Variants in DDX21 observed in about 807,000 individuals in gnomAD.
The protein encoded by DDX21 is nucleolar RNA helicase 2.
A neutral mutation model predicts 90.0 loss-of-function variants in DDX21; 18 were observed. The ratio of observed to expected loss-of-function variants is 0.20; its 90% CI spans 0.14 to 0.30. The LOEUF is 0.30. DDX21 is among the 10% of genes least tolerant of loss of function. The probability of loss-of-function intolerance (pLI) is 1.00; values close to 1 mark genes in which losing one functional copy is unlikely to be tolerated. For synonymous variants in DDX21, 294 were observed against 318.0 expected, an observed-to-expected ratio of 0.92 and a Z score of 0.80; for missense variants, 673 against 944.5, an observed-to-expected ratio of 0.71 and a Z score of 3.77.
Position 68,956,222 on chromosome 10 carries a change from G to T in DDX21, c.-4G>T. The T allele has an allele frequency of 6.2e-7, 1 of 1,613,980 alleles. No homozygotes were observed. Among genetic ancestry groups the T allele is most frequent in the Non-Finnish European group, 8.5e-7 (1 of 1,179,936 alleles). Reference sequence around the variant, plus strand: ...CCGGTCGGCCTGGGCAACCTGCGCTGAAGATGCCGGGAAAACTCCGTAGTG... The same window carrying T: ...CCGGTCGGCCTGGGCAACCTGCGCTTAAGATGCCGGGAAAACTCCGTAGTG... On this transcript the variant is annotated 5_prime_UTR_variant, in exon 1 of 15. Coordinates refer to ENST00000354185, the MANE Select transcript of DDX21 (RefSeq NM_004728.4).
Position 68,983,093 on chromosome 10 carries a change from A to C in DDX21, c.*281A>C. ...TATTATCTGTAGATTAGAAGATAAA[A>C]TCAAGCATGTATCTGCCTATACTTT... On this transcript the variant is annotated 3_prime_UTR_variant, in exon 15 of 15. Coordinates refer to ENST00000354185, the MANE Select transcript of DDX21 (RefSeq NM_004728.4). The C allele has an allele frequency of 4.6e-6, 2 of 438,970 alleles. No individual in the cohort carries two copies. Among genetic ancestry groups the C allele is most frequent in the Non-Finnish European group, 8.2e-6 (2 of 242,660 alleles). 27.2% of individuals were successfully genotyped at this position (438,970 alleles called of 1,614,324 possible).
intron 13 of DDX21, among the ~76,000 whole-genome samples, chr10:68,980,224 G>A (rs1035476680): frequency 1.3e-5 from 2 of 151,952 alleles, no homozygotes; most frequent in African/African-American, 2.4e-5. Context: ...TGGGCAACAA[G>A]AGTGAAACTC....
At chr10:68,961,810 AATCTTAGTTGAG>A (rs1428163256) in intron 2 of DDX21, among the ~76,000 whole-genome samples, 7 of 152,336 alleles carry the variant, frequency 4.6e-5, no homozygotes, top group Middle Eastern at 3.4e-3. Context: ...AGTCACACAT[AATCTTAGTTGAG>A]ATCTTAGTTG....
At position 68,963,323 on chromosome 10, in the gene DDX21, G is replaced by A; in HGVS notation, c.640G>A (p.Ala214Thr). 2.5e-6 allele frequency: 4 copies of A among 1,613,732 alleles called. No homozygotes were observed. Among genetic ancestry groups the A allele is most frequent in the Non-Finnish European group, 3.4e-6 (4 of 1,179,870 alleles). Residue 214 changes from alanine (A) to threonine (T), a missense_variant, in exon 4 of 15, where the codon GCA (alanine) becomes ACA (threonine). Ala to Thr is a moderately conservative substitution (Grantham distance 58). Around this residue, in one of 4 missense-constraint regions of DDX21, gnomAD observed 218 missense variants for 347.3 expected, o/e 0.63. Transcript: ENST00000354185. ...AGTGACCTTCCTATTTCCTATACAA[G>A]CAAAGACATTCCATCATGTTTACAG... ...RGVTFLFPIQAKTFHHVYSGK... is the reference protein window; with the variant it reads ...RGVTFLFPIQTKTFHHVYSGK...
chr10:68,977,342 T>C (rs1843115766), intron 11 of DDX21, among the ~76,000 whole-genome samples, 187 bp from the exon 12 acceptor site: 1 of 152,224 alleles, frequency 6.6e-6, no homozygotes, highest in Non-Finnish European at 1.5e-5. Context: ...GGTGATAAAT[T>C]AGAATTACAT....
At chr10:68,960,355 T>G (rs1564625111) in intron 2 of DDX21, 106 bp downstream of exon 2, 3 of 1,170,506 alleles carry the variant, frequency 2.6e-6, no homozygotes, top group Non-Finnish European at 3.5e-6. Context: ...AAATGTGATG[T>G]GTCAGCACCT....
Position 68,959,821 on chromosome 10 carries a change from A to G in DDX21, c.103A>G (p.Lys35Glu). 1 of 1,533,134 alleles carries G rather than the reference A, an allele frequency of 6.5e-7. No homozygotes were observed. Among genetic ancestry groups the G allele is most frequent in the East Asian group, 2.3e-5 (1 of 42,798 alleles). 95.0% of individuals were successfully genotyped at this position (1,533,134 alleles called of 1,614,324 possible). A position where few individuals can be genotyped will look rare whatever the true frequency, so the allele number is the denominator to read the frequency against. ...TTTTTTTTAGAAAGAGAAAAAAGAG[A>G]AGCCAAAATCTGATAAGACTGAAGA... ...KQTEEKEKKE[K>E]PKSDKTEEIA... is the part of the protein sequence containing the mutation. The change falls in exon 2 of 15, where the codon AAG (lysine) becomes GAG (glutamate). Residue 35 changes from lysine (K) to glutamate (E), a missense_variant. Lys to Glu is a moderately conservative substitution (Grantham distance 56, BLOSUM62 1). This residue lies in a region of DDX21 where 204 missense variants were observed against 221.6 expected (regional missense o/e 0.92). Transcript: ENST00000354185.
intron 1 of DDX21, chr10:68,956,890 A>G: frequency 2.1e-6 from 1 of 474,546 alleles, no homozygotes; most frequent in Non-Finnish European, 2.8e-6. Flanking sequence ...AAAAATACAA[A>G]AATTAGCCGG....
intron 1 of DDX21, among the ~76,000 whole-genome samples, chr10:68,958,819 C>T (rs780361875): frequency 1.3e-5 from 2 of 152,188 alleles, no homozygotes; most frequent in Non-Finnish European, 2.9e-5. Context: ...AAACAATCCT[C>T]CTGCCTTGGC....
chr10:68,960,384 T>C, intron 2 of DDX21, 135 bp downstream of exon 2: 1 of 804,308 alleles, frequency 1.2e-6, no homozygotes, highest in Non-Finnish European at 1.8e-6. Context: ...GGGGGATACC[T>C]TAGGCTGACT....
chr10:68,957,238 A>T (rs1031325214), intron 1 of DDX21, among the ~76,000 whole-genome samples: 1 of 152,162 alleles, frequency 6.6e-6, no homozygotes, highest in African/African-American at 2.4e-5. Flanking sequence ...TGTTTGACCC[A>T]CATGAGTTGA....
At chr10:68,960,306 A>C in intron 2 of DDX21, 57 bp downstream of exon 2, 1 of 1,508,012 alleles carries the variant, frequency 6.6e-7, no homozygotes, top group Non-Finnish European at 8.9e-7. Flanking sequence ...CAGATAAATA[A>C]GTAGGTAACT....
In DDX21 at chr10:68,982,630, T is replaced by C. The variant is rs983872374; in HGVS notation, c.2170T>C (p.Phe724Leu). 22 of 1,612,984 alleles carry C rather than the reference T, an allele frequency of 1.4e-5. No individual in the cohort carries two copies. Among genetic ancestry groups the C allele is most frequent in the Non-Finnish European group, 1.7e-5 (20 of 1,179,646 alleles). ...LEGPREGYGG[F>L]RGQREGSRGF... is the part of the protein sequence containing the mutation. ...AGGACCACGGGAAGGATATGGAGGC[T>C]TCAGGGGACAGCGGGAAGGCAGTCG... The change falls in exon 15 of 15, where the codon TTC becomes CTC. Residue 724 changes from phenylalanine (F) to leucine (L), a missense_variant. Phe to Leu is a conservative substitution (Grantham distance 22). Coordinates refer to ENST00000354185, the MANE Select transcript of DDX21 (RefSeq NM_004728.4).
intron 1 of DDX21, chr10:68,956,816 G>T (rs949701664): frequency 1.9e-5 from 18 of 954,962 alleles, no homozygotes; most frequent in Non-Finnish European, 2.1e-5. Flanking sequence ...GCCGAGGCGG[G>T]CGGATCATGA....
In DDX21 at chr10:68,973,103, C is replaced by A. The variant is rs774162856; in HGVS notation, c.1549-442C>A. Among the ~76,000 whole-genome samples, 101 of 151,880 alleles carry A rather than the reference C, an allele frequency of 6.6e-4. No homozygotes were observed. The Middle Eastern group carries it at 0.01, about 15-fold the overall frequency. ...CCAGCTACTTGGGAGGCTGAGACAG[C>A]AAGATCACTTGAACCCGGTAGGCGG... On this transcript the variant is annotated intron_variant, in intron 9 of 14. Transcript: ENST00000354185.
intron 1 of DDX21, 101 bp downstream of exon 1, chr10:68,956,413 A>G (rs1025044131): frequency 4.5e-6 from 7 of 1,551,824 alleles, no homozygotes; most frequent in Non-Finnish European, 1.7e-6. Context: ...CGCGCGGCGG[A>G]TAACAGCGCG....
chr10:68,977,407 C>T (rs1305071353), intron 11 of DDX21, 122 bp from the exon 12 acceptor site: 2 of 930,848 alleles, frequency 2.1e-6, no homozygotes, highest in African/African-American at 3.3e-5. Context: ...TATACTGCAT[C>T]AAAAATAAAT....
intron 14 of DDX21, among the ~76,000 whole-genome samples, 154 bp from the exon 15 acceptor site, chr10:68,982,389 G>A (rs767796677): frequency 1.3e-5 from 2 of 152,234 alleles, no homozygotes; most frequent in Non-Finnish European, 1.5e-5. Context: ...TTTGGACCAT[G>A]ATGGGTGGCC....
intron 13 of DDX21, among the ~76,000 whole-genome samples, chr10:68,980,235 C>T (rs566531608): frequency 2.0e-5 from 3 of 151,146 alleles, no homozygotes; most frequent in East Asian, 1.9e-4. Context: ...AGTGAAACTC[C>T]GTCTTAAAAA....
Sources: allele counts gnomAD v4.1 joint callset (sites outside exome capture counted in the v4.1 genomes callset), GRCh38; gene constraint gnomAD v4.1.1; regional missense constraint gnomAD v4.1.1; transcripts MANE v1.5; gene names NCBI Gene and HGNC (gene_info 2026-07-23, HGNC 2026-07-21).